Variants in FBP2 observed in about 807,000 individuals in gnomAD.
The protein encoded by FBP2 is fructose-1,6-bisphosphatase isozyme 2.
FBP2 carries 27 observed loss-of-function variants against 31.6 expected under a neutral mutation model. The observed-to-expected ratio is 0.85, with a 90% CI of 0.63 to 1.18. The LOEUF (loss-of-function observed/expected upper bound fraction) is 1.18. Ranked by LOEUF, FBP2 falls within the 50% of genes most tolerant of loss-of-function variation. The pLI, the probability that FBP2 is intolerant of heterozygous loss-of-function variation, is 0.00. For synonymous variants in FBP2, 168 were observed against 179.8 expected (o/e 0.93, Z 0.53); for missense variants, 421 against 436.1 (o/e 0.97, Z 0.31).
chr9:94,584,269 C>G (rs146288765), intron 3 of FBP2, among the ~76,000 whole-genome samples: 26 of 152,268 alleles, frequency 1.7e-4, no homozygotes, highest in African/African-American at 6.0e-4. Flanking sequence ...GTCAGAGATT[C>G]AGAATGCCAC....
chr9:94,577,031 C>G (rs945032742), intron 3 of FBP2, among the ~76,000 whole-genome samples: 2 of 152,090 alleles, frequency 1.3e-5, no homozygotes, highest in Non-Finnish European at 2.9e-5. Context: ...CCAAAAGCAC[C>G]CACAGCTCCC....
intron 3 of FBP2, among the ~76,000 whole-genome samples, chr9:94,574,749 T>C (rs2131452818): frequency 6.6e-6 from 1 of 152,286 alleles, no homozygotes; most frequent in South Asian, 2.1e-4. Flanking sequence ...TCTGGTTTTA[T>C]TCCCCACCTC....
At chr9:94,570,267 C>G (rs1827253378) in intron 4 of FBP2, 1 of 152,168 alleles carries the variant, frequency 6.6e-6, no homozygotes, top group African/African-American at 2.4e-5. Flanking sequence ...AGATATTTTG[C>G]TTGTACTCAA....
At chr9:94,580,779 A>G (rs955698884) in intron 3 of FBP2, among the ~76,000 whole-genome samples, 2 of 152,214 alleles carry the variant, frequency 1.3e-5, no homozygotes, top group African/African-American at 4.8e-5. Context: ...TAGTCCCTAA[A>G]AAAGGCCCTT....
chr9:94,589,854 A>G (rs1827471211), intron 1 of FBP2, among the ~76,000 whole-genome samples: 1 of 152,006 alleles, frequency 6.6e-6, no homozygotes, highest in South Asian at 2.1e-4. Context: ...CCTCCTGGTC[A>G]AGACAAAAGC....
chr9:94,560,009 C>T (rs10761335), intron 6 of FBP2, among the ~76,000 whole-genome samples: 67,026 of 151,966 alleles, frequency 0.44, 15,684 homozygotes, highest in Admixed American at 0.54. Flanking sequence ...CCTGTGATCC[C>T]AGCTATTCAG....
chr9:94,576,854 G>A (rs1375841227), intron 3 of FBP2: 1 of 152,182 alleles, frequency 6.6e-6, no homozygotes, highest in Non-Finnish European at 1.5e-5. Context: ...TTGTATTTGT[G>A]GCACCCTTGG....
intron 3 of FBP2, among the ~76,000 whole-genome samples, chr9:94,582,414 C>T (rs1290199034): frequency 6.6e-6 from 1 of 151,110 alleles, no homozygotes; most frequent in Non-Finnish European, 1.5e-5. Context: ...GAGAGGGAGT[C>T]TTGCTCTGTT....
chr9:94,583,467 C>T (rs1243740350), intron 3 of FBP2, among the ~76,000 whole-genome samples: 8 of 152,162 alleles, frequency 5.3e-5, no homozygotes, highest in Admixed American at 5.2e-4. Flanking sequence ...ACTATACAGG[C>T]CTTAAATACT....
chr9:94,567,561 TG>T (rs1827209752), intron 4 of FBP2, 154 bp from the exon 5 acceptor site: 1 of 794,696 alleles, frequency 1.3e-6, no homozygotes, highest in African/African-American at 1.7e-5. Context: ...GGTGTTTTCA[TG>T]AGTGGTGGGA....
At chr9:94,586,992 G>C (rs1827434299) in intron 2 of FBP2, among the ~76,000 whole-genome samples, 1 of 152,096 alleles carries the variant, frequency 6.6e-6, no homozygotes, top group Non-Finnish European at 1.5e-5. Context: ...CTCTTCCCTG[G>C]ACTCCACAAG....
intron 3 of FBP2, among the ~76,000 whole-genome samples, chr9:94,584,248 G>C (rs1469778889): frequency 1.3e-5 from 2 of 152,176 alleles, no homozygotes; most frequent in East Asian, 1.9e-4. Context: ...GAGGCAAGAG[G>C]GGGAGAGGAT....
chr9:94,564,806 CTAAAA>C (rs1827162492), intron 5 of FBP2, among the ~76,000 whole-genome samples: 1 of 151,992 alleles, frequency 6.6e-6, no homozygotes, highest in African/African-American at 2.4e-5. Context: ...ACCCCTGAAT[CTAAAA>C]TAAAAGTGTA....
chr9:94,576,752 A>G (rs1568305), intron 3 of FBP2: 62,717 of 152,112 alleles, frequency 0.41, 13,684 homozygotes, highest in Admixed American at 0.52. Flanking sequence ...TTTGACCACC[A>G]TCTGCCTCTT....
rs769142942 is a variant in FBP2 at position 94,593,571 on chromosome 9, G to C, written c.156C>G (p.Ala52=). ...IKAISSAVRK[A]GLAHLYGIAG... Reference sequence around the variant, plus strand: ...CCAGGACTCACAGGTGGGCCAGACCGGCCTTGCGCACAGCCGAGGAGATGG... The same window carrying C: ...CCAGGACTCACAGGTGGGCCAGACCCGCCTTGCGCACAGCCGAGGAGATGG... Residue 52 remains alanine (A), a synonymous_variant, in exon 1 of 7, where the codon GCC becomes GCG. Transcript: ENST00000375337. 6.2e-7 allele frequency: 1 copy of C among 1,613,608 alleles called. No homozygotes were observed. Among genetic ancestry groups the C allele is most frequent in the South Asian group, 1.1e-5 (1 of 91,000 alleles).
intron 5 of FBP2, among the ~76,000 whole-genome samples, chr9:94,564,183 C>T (rs954087949): frequency 6.6e-6 from 1 of 152,210 alleles, no homozygotes; most frequent in Non-Finnish European, 1.5e-5. Flanking sequence ...AATATACATT[C>T]TTCTCATCAC....
chr9:94,559,756 C>G (rs376793811), intron 6 of FBP2, among the ~76,000 whole-genome samples: 4 of 152,174 alleles, frequency 2.6e-5, no homozygotes, highest in African/African-American at 7.2e-5. Context: ...ACTCATCACA[C>G]TGAGGCCTCT....
Position 94,571,383 on chromosome 9 carries a change from A to G in FBP2, c.567+79T>C, listed in dbSNP as rs1267133589. 51 of 1,387,774 alleles carry G rather than the reference A, an allele frequency of 3.7e-5. No homozygotes were observed. The Admixed American group carries it at 1.2e-3, about 32-fold the overall frequency. 86.0% of individuals were successfully genotyped at this position (1,387,774 alleles called of 1,614,324 possible). Reference sequence around the variant, plus strand: ...AACAAGTATTAGGAATAACCAGGACATTATCGCAGAGAACTGGCATTAAGG... The same window carrying G: ...AACAAGTATTAGGAATAACCAGGACGTTATCGCAGAGAACTGGCATTAAGG... On this transcript the variant is annotated intron_variant, in intron 4 of 6. Coordinates refer to ENST00000375337, the MANE Select transcript of FBP2 (RefSeq NM_003837.4).
rs751215910 is a variant in FBP2, at chr9:94,593,768, C to G, written c.-42G>C. ...CAAATCCTTTTCTCCCGGCAGGAAA[C>G]CTTGCTTACTTCTGAGGGCTGCAGC... On this transcript the variant is annotated 5_prime_UTR_variant, in exon 1 of 7. Transcript: ENST00000375337. The G allele has an allele frequency of 1.2e-6, 2 of 1,607,246 alleles. No individual in the cohort carries two copies. Among genetic ancestry groups the G allele is most frequent in the Admixed American group, 1.7e-5 (1 of 59,630 alleles).
Sources: gnomAD v4.1 joint callset for allele counts (sites outside exome capture counted in the v4.1 genomes callset) on GRCh38, gnomAD v4.1.1 for gene constraint, MANE v1.5 for transcripts, NCBI Gene and HGNC (gene_info 2026-07-23, HGNC 2026-07-21) for gene names.